CACNA2D2: variants seen among roughly 807,000 people sequenced by gnomAD.
The protein encoded by CACNA2D2 is calcium voltage-gated channel auxiliary subunit alpha2delta 2, also known as voltage-dependent calcium channel subunit alpha-2/delta-2.
In CACNA2D2, 48 loss-of-function variants were observed where a neutral mutation model predicts 166.4. The ratio of observed to expected loss-of-function variants is 0.29; its 90% CI spans 0.23 to 0.37. The LOEUF (loss-of-function observed/expected upper bound fraction) is 0.37, where lower values mean the gene tolerates loss of function less well. Ranked by LOEUF, CACNA2D2 falls within the 10% of genes least tolerant of loss-of-function variation. CACNA2D2 has a pLI of 1.00. For missense variants in CACNA2D2, 1,122 were observed against 1,433.0 expected (o/e 0.78, Z 3.50); for synonymous variants, 561 against 573.7 (o/e 0.98, Z 0.32).
At chr3:50,388,997 C>T (rs918791315) in intron 4 of CACNA2D2, among the ~76,000 whole-genome samples, 7 of 152,250 alleles carry the variant, frequency 4.6e-5, no homozygotes, top group African/African-American at 1.7e-4. Flanking sequence ...CTGGCGCTTT[C>T]TTACAGCAGC....
intron 2 of CACNA2D2, among the ~76,000 whole-genome samples, chr3:50,444,661 AT>A (rs1160640057): frequency 6.6e-6 from 1 of 152,240 alleles, no homozygotes; most frequent in Non-Finnish European, 1.5e-5. Context: ...ATGTCACCAC[AT>A]AAAGACAGCA....
intron 6 of CACNA2D2, among the ~76,000 whole-genome samples, chr3:50,381,608 G>A (rs373427276): frequency 7.2e-6 from 1 of 139,540 alleles, no homozygotes; most frequent in African/African-American, 2.7e-5. Flanking sequence ...AAGCCACTCA[G>A]CTCCATGATT....
chr3:50,468,673 G>T (rs76240594), intron 2 of CACNA2D2, among the ~76,000 whole-genome samples: 109 of 152,044 alleles, frequency 7.2e-4, no homozygotes, highest in African/African-American at 2.6e-3. Context: ...GATCCTGAGA[G>T]ATTCCACCCT....
At chr3:50,398,269 G>GGTGCC (rs1706261238) in intron 3 of CACNA2D2, among the ~76,000 whole-genome samples, 1 of 152,114 alleles carries the variant, frequency 6.6e-6, no homozygotes, top group African/African-American at 2.4e-5. Flanking sequence ...TGCTCCTGGA[G>GGTGCC]GTGCCTGCAG....
chr3:50,494,647 C>T (rs1427235489), intron 1 of CACNA2D2, among the ~76,000 whole-genome samples: 1 of 152,070 alleles, frequency 6.6e-6, no homozygotes, highest in African/African-American at 2.4e-5. Context: ...ACTTGCCCCC[C>T]GACCCATGCC....
At chr3:50,463,988 G>A (rs1056849676) in intron 2 of CACNA2D2, among the ~76,000 whole-genome samples, 3 of 152,222 alleles carry the variant, frequency 2.0e-5, no homozygotes, top group Admixed American at 6.5e-5. Flanking sequence ...GGGTGGGCTC[G>A]GTTGCCTCTG....
In CACNA2D2 at chr3:50,449,175, A is replaced by G. The variant is rs547105370; in HGVS notation, c.289-14746T>C. 7.7e-4 allele frequency among the ~76,000 whole-genome samples: 117 copies of G among 152,326 alleles called. 1 individual carries two copies. The highest frequency in any genetic ancestry group is 2.1e-3 in the African/African-American group (88 of 41,566). ...AAGGTAGATTCGTTGAAGCCAAGAG[A>G]GGAACAAACCCTCGGCTGCCTCATT... On this transcript the variant is annotated intron_variant, in intron 2 of 37. Transcript: ENST00000424201.
At chr3:50,396,678 C>T (rs758895693) in intron 3 of CACNA2D2, among the ~76,000 whole-genome samples, 2 of 152,094 alleles carry the variant, frequency 1.3e-5, no homozygotes, top group African/African-American at 2.4e-5. Flanking sequence ...CAGCAGGTGC[C>T]GAGCTCAGTA....
At chr3:50,391,347 C>T (rs143690919) in intron 4 of CACNA2D2, among the ~76,000 whole-genome samples, 8 of 152,334 alleles carry the variant, frequency 5.3e-5, no homozygotes, top group African/African-American at 7.2e-5. Context: ...CCCCTTCCCA[C>T]GCCCTGGCCC....
At chr3:50,483,802 C>T (rs1199572656) in intron 1 of CACNA2D2, among the ~76,000 whole-genome samples, 1 of 152,210 alleles carries the variant, frequency 6.6e-6, no homozygotes, top group Non-Finnish European at 1.5e-5. Flanking sequence ...GATGGGGGCC[C>T]TCCCTGCCTG....
At chr3:50,479,551 G>A (rs1422526676) in intron 1 of CACNA2D2, among the ~76,000 whole-genome samples, 1 of 152,364 alleles carries the variant, frequency 6.6e-6, no homozygotes, top group East Asian at 1.9e-4. Flanking sequence ...CCTCCAAGGG[G>A]TGACACAGAG....
chr3:50,413,023 C>A lies in CACNA2D2; in HGVS notation c.406-18855G>T, dbSNP rs184793153. On this transcript the variant is annotated intron_variant, in intron 3 of 37. Transcript: ENST00000424201. ...CTCACCTGGCACGAGGGTGGACCCTCCCCACCTTGTGCTCTGCTGGTCTCA... is the reference window on the plus strand; with the variant it reads ...CTCACCTGGCACGAGGGTGGACCCTACCCACCTTGTGCTCTGCTGGTCTCA... Among the ~76,000 whole-genome samples the A allele has an allele frequency of 5.3e-3, 815 of 152,354 alleles. 16 individuals carry two copies. Among genetic ancestry groups the A allele is most frequent in the African/African-American group, 0.018 (762 of 41,578 alleles).
At chr3:50,423,776 C>T (rs2106849051) in intron 3 of CACNA2D2, among the ~76,000 whole-genome samples, 1 of 152,354 alleles carries the variant, frequency 6.6e-6, no homozygotes, top group South Asian at 2.1e-4. Context: ...CAAACAAGGG[C>T]CCCCAGGCCT....
At chr3:50,435,825 T>A (rs2106899113) in intron 2 of CACNA2D2, among the ~76,000 whole-genome samples, 1 of 152,292 alleles carries the variant, frequency 6.6e-6, no homozygotes, top group South Asian at 2.1e-4. Flanking sequence ...TAATTTGTGG[T>A]GAAGTCGCTC....
intron 3 of CACNA2D2, among the ~76,000 whole-genome samples, chr3:50,416,903 T>A (rs1707288287): frequency 6.6e-6 from 1 of 152,154 alleles, no homozygotes; most frequent in African/African-American, 2.4e-5. Flanking sequence ...CAGATACACG[T>A]GGGCATGATG....
chr3:50,372,998 G>A, intron 22 of CACNA2D2: 1 of 1,331,046 alleles, frequency 7.5e-7, no homozygotes, highest in Non-Finnish European at 1.0e-6. Context: ...CAGGGAGGGG[G>A]GCAAGCAGGG....
At chr3:50,450,674 G>A (rs1709053592) in intron 2 of CACNA2D2, among the ~76,000 whole-genome samples, 1 of 152,310 alleles carries the variant, frequency 6.6e-6, no homozygotes, top group African/African-American at 2.4e-5. Context: ...TTTACAGAGT[G>A]AAAGAGGCTG....
Position 50,381,110 on chromosome 3 carries a change from A to C in CACNA2D2, c.669T>G (p.Asn223Lys). The C allele has an allele frequency of 4.4e-6, 7 of 1,584,154 alleles. No individual in the cohort carries two copies. The highest frequency in any genetic ancestry group is 4.3e-6 in the Non-Finnish European group (5 of 1,161,442). ...DIYKGSTVILNELNWTEALEN... is the reference protein window; with the variant it reads ...DIYKGSTVILKELNWTEALEN... ...CCAGGGCCTCTGTCCAGTTGAGCTC[A>C]TTGAGGATGACAGTGGCTGGGGGGA... The change falls in exon 7 of 38, where the codon AAT (asparagine) becomes AAG (lysine). Residue 223 changes from asparagine to lysine, a missense_variant. Asn to Lys is a moderately conservative substitution (Grantham distance 94). This residue lies in a region of CACNA2D2 where 840 missense variants were observed against 1,166.8 expected (regional missense o/e 0.72). Transcript: ENST00000424201.
intron 2 of CACNA2D2, among the ~76,000 whole-genome samples, chr3:50,443,282 T>C (rs1408061567): frequency 1.3e-5 from 2 of 152,048 alleles, no homozygotes; most frequent in Admixed American, 6.5e-5. Flanking sequence ...CTCTGCTCTC[T>C]CCCGCTGCCT....
Sources: allele counts gnomAD v4.1 joint callset (sites outside exome capture counted in the v4.1 genomes callset), GRCh38; gene constraint gnomAD v4.1.1; regional missense constraint gnomAD v4.1.1; transcripts MANE v1.5; gene names NCBI Gene and HGNC (gene_info 2026-07-23, HGNC 2026-07-21).